DNAH9: variants seen among roughly 807,000 people sequenced by gnomAD.
The protein encoded by DNAH9 is DNAH9 variant protein.
Under a neutral mutation model 471.6 loss-of-function variants are expected in DNAH9, and 345 were observed. That is an observed-to-expected ratio of 0.73 (90% CI 0.67 to 0.80). The LOEUF is 0.80. Among genes scored for constraint, DNAH9 ranks in the 30% least tolerant of loss-of-function variants. The probability of loss-of-function intolerance (pLI) is 0.00; values close to 1 mark genes in which losing one functional copy is unlikely to be tolerated. For missense variants in DNAH9, 5,407 were observed against 5,609.2 expected, an observed-to-expected ratio of 0.96 and a Z score of 1.15; for synonymous variants, 2,093 against 2,123.6, an observed-to-expected ratio of 0.99 and a Z score of 0.40.
chr17:11,683,501 G>T (rs1163414145), intron 19 of DNAH9, among the ~76,000 whole-genome samples: 1 of 152,044 alleles, frequency 6.6e-6, no homozygotes, highest in African/African-American at 2.4e-5. Context: ...TTTCAAAAAA[G>T]AAAAAAATTC....
intron 26 of DNAH9, among the ~76,000 whole-genome samples, chr17:11,708,124 T>G (rs1234206918): frequency 6.6e-6 from 1 of 151,724 alleles, no homozygotes; most frequent in Non-Finnish European, 1.5e-5. Flanking sequence ...CTGGCTTGCC[T>G]CCTCCTTGTT....
chr17:11,669,281 C>T, intron 16 of DNAH9, 21 bp downstream of exon 16: 1 of 1,605,530 alleles, frequency 6.2e-7, no homozygotes, highest in Non-Finnish European at 8.5e-7. Flanking sequence ...TGCAGCCATC[C>T]TGCCCTCCAA....
intron 14 of DNAH9, among the ~76,000 whole-genome samples, chr17:11,660,324 T>C (rs1486269926): frequency 5.2e-5 from 6 of 116,040 alleles, no homozygotes; most frequent in South Asian, 6.2e-4. Context: ...TGTTTCTTTT[T>C]TTTTTTTTTT....
chr17:11,652,280 CTTTTTTTTTTTT>C (rs11450398), intron 13 of DNAH9, among the ~76,000 whole-genome samples: 1 of 79,148 alleles, frequency 1.3e-5, no homozygotes, highest in Non-Finnish European at 2.2e-5. Context: ...TAAGGGTAGG[CTTTTTTTTTTTT>C]TTTTTTTTTT....
At chr17:11,672,090 A>G (rs1016789398) in intron 17 of DNAH9, among the ~76,000 whole-genome samples, 13 of 152,226 alleles carry the variant, frequency 8.5e-5, no homozygotes, top group African/African-American at 2.9e-4. Context: ...TGTGCCATGT[A>G]ATTATGTGAT....
At chr17:11,959,145 C>T (rs1975867650) in intron 67 of DNAH9, among the ~76,000 whole-genome samples, 1 of 151,876 alleles carries the variant, frequency 6.6e-6, no homozygotes, top group Non-Finnish European at 1.5e-5. Flanking sequence ...AAAGGATATC[C>T]AAAGAAAACA....
intron 15 of DNAH9, among the ~76,000 whole-genome samples, chr17:11,666,032 C>G (rs1447597902): frequency 6.6e-6 from 1 of 152,096 alleles, no homozygotes; most frequent in Non-Finnish European, 1.5e-5. Context: ...GTGCTCCAAA[C>G]TAAGGAAATC....
intron 45 of DNAH9, among the ~76,000 whole-genome samples, chr17:11,819,592 A>G (rs1178998735): frequency 2.6e-5 from 4 of 152,056 alleles, no homozygotes; most frequent in African/African-American, 9.7e-5. Context: ...TAATTGGCCA[A>G]GCAGGTCTCG....
chr17:11,631,376 G>A (rs1317898350), intron 7 of DNAH9, among the ~76,000 whole-genome samples: 1 of 152,126 alleles, frequency 6.6e-6, no homozygotes, highest in African/African-American at 2.4e-5. Flanking sequence ...TAGTTGGCCA[G>A]ACCCAGGAAG....
At chr17:11,752,194 A>G (rs1346154264) in intron 32 of DNAH9, among the ~76,000 whole-genome samples, 1 of 152,254 alleles carries the variant, frequency 6.6e-6, no homozygotes, top group Admixed American at 6.5e-5. Flanking sequence ...AATGACAATT[A>G]GAATCAGATG....
At chr17:11,909,545 A>G (rs1156300631) in intron 61 of DNAH9, among the ~76,000 whole-genome samples, 4 of 152,162 alleles carry the variant, frequency 2.6e-5, no homozygotes, top group African/African-American at 9.7e-5. Context: ...CCTCTTGACC[A>G]ACCTGGTGCT....
At chr17:11,961,579 G>A (rs761734561) in intron 67 of DNAH9, among the ~76,000 whole-genome samples, 1 of 152,186 alleles carries the variant, frequency 6.6e-6, no homozygotes, top group Non-Finnish European at 1.5e-5. Context: ...TCTGCAATGG[G>A]AAGCAATTGT....
Position 11,805,464 on chromosome 17 carries a change from C to T in DNAH9, c.8421-2268C>T, listed in dbSNP as rs1048866186. On this transcript the variant is annotated intron_variant, in intron 43 of 68. Transcript: ENST00000262442. ...ACAGACAGGAGCACAGGATTGTAGC[C>T]CATGCAATTCAATCTCAAACGTATC... Among the ~76,000 whole-genome samples the T allele has an allele frequency of 3.4e-5, 5 of 148,272 alleles. No homozygotes were observed. In the South Asian group the frequency reaches 1.1e-3, roughly 32 times the overall value.
In DNAH9 at chr17:11,778,332, A is replaced by AG. The variant is rs1470187850; in HGVS notation, c.7553-2677_7553-2676insG. ...GCGACAGAGTGAGACTCCATCTCAA[A>AG]AAAAAAAAAAAAAAAAAAAAAAAAA... is the stretch of plus-strand genomic sequence containing the variant. On this transcript the variant is annotated intron_variant, in intron 38 of 68. Transcript: ENST00000262442. 8.0e-4 allele frequency among the ~76,000 whole-genome samples: 58 copies of AG among 72,954 alleles called. 5 individuals are homozygous for AG. The highest frequency in any genetic ancestry group is 2.0e-3 in the South Asian group (5 of 2,478). 47.9% of individuals were successfully genotyped at this position (72,954 alleles called of 152,430 possible). A position where few individuals can be genotyped will look rare whatever the true frequency, so the allele number is the denominator to read the frequency against.
At chr17:11,810,208 T>G (rs1257597431) in intron 44 of DNAH9, 38 bp from the exon 45 acceptor site, 1 of 1,585,098 alleles carries the variant, frequency 6.3e-7, no homozygotes, top group Non-Finnish European at 8.6e-7. Context: ...CAAGGAGGCC[T>G]TCTTTTCAGA....
At chr17:11,924,335 G>A (rs539170743) in intron 62 of DNAH9, among the ~76,000 whole-genome samples, 2 of 152,218 alleles carry the variant, frequency 1.3e-5, no homozygotes, top group Non-Finnish European at 2.9e-5. Flanking sequence ...TTTGGGCTGT[G>A]TGTCATATGC....
intron 50 of DNAH9, among the ~76,000 whole-genome samples, chr17:11,857,925 T>C (rs1392148473): frequency 6.6e-6 from 1 of 152,132 alleles, no homozygotes; most frequent in Non-Finnish European, 1.5e-5. Context: ...CAGAGAAAGA[T>C]GCCAGCAGTA....
intron 67 of DNAH9, among the ~76,000 whole-genome samples, chr17:11,944,299 AAATT>A (rs995340298): frequency 6.6e-6 from 1 of 152,310 alleles, no homozygotes; most frequent in African/African-American, 2.4e-5. Flanking sequence ...AAGCAGGGTG[AAATT>A]AATTAAGAGC....
chr17:11,856,541 T>TAAAAAAAA (rs759773459), intron 50 of DNAH9, among the ~76,000 whole-genome samples: 3 of 18,348 alleles, frequency 1.6e-4, no homozygotes, highest in African/African-American at 8.2e-4. Flanking sequence ...TTACTAAAAA[T>TAAAAAAAA]ACAAAAAAAA....
Sources: gnomAD v4.1 joint callset for allele counts (sites outside exome capture counted in the v4.1 genomes callset) on GRCh38, gnomAD v4.1.1 for gene constraint, MANE v1.5 for transcripts, NCBI Gene and HGNC (gene_info 2026-07-23, HGNC 2026-07-21) for gene names.